SPTAN1: variants seen among roughly 807,000 people sequenced by gnomAD.
SPTAN1 encodes the protein spectrin alpha, non-erythrocytic 1.
Under a neutral mutation model 331.3 loss-of-function variants are expected in SPTAN1, and 61 were observed. That is an observed-to-expected ratio of 0.18 (90% CI 0.15 to 0.23). The LOEUF (loss-of-function observed/expected upper bound fraction) is 0.23, where lower values mean the gene tolerates loss of function less well. SPTAN1 is among the 10% of genes least tolerant of loss of function. SPTAN1 has a pLI of 1.00. For synonymous variants in SPTAN1, 1,153 were observed against 1,173.9 expected (o/e 0.98, Z 0.36); for missense variants, 2,043 against 3,147.9 (o/e 0.65, Z 8.40).
chr9:128,599,103 T>G, intron 26 of SPTAN1, 117 bp downstream of exon 26: 2 of 997,766 alleles, frequency 2.0e-6, no homozygotes, highest in Non-Finnish European at 3.2e-6. Context: ...CAGATGCCTT[T>G]TGTGTGTAAA....
At chr9:128,617,907 T>C in intron 42 of SPTAN1, 80 bp from the exon 43 acceptor site, 1 of 1,613,420 alleles carries the variant, frequency 6.2e-7, no homozygotes, top group Non-Finnish European at 8.5e-7. Context: ...AACTTGATGT[T>C]GAGGCCTTTT....
chr9:128,561,322 A>G (rs1032617178), intron 1 of SPTAN1, among the ~76,000 whole-genome samples: 3 of 147,398 alleles, frequency 2.0e-5, no homozygotes, highest in African/African-American at 5.0e-5. Context: ...CAGTGAGTCA[A>G]GATCGCACCA....
At position 128,611,775 on chromosome 9, in the gene SPTAN1, G is replaced by A. The variant is rs763832522; in HGVS notation, c.4835G>A (p.Arg1612His). 8.1e-6 allele frequency: 13 copies of A among 1,614,054 alleles called. No individual in the cohort carries two copies. Among genetic ancestry groups the A allele is most frequent in the Admixed American group, 3.3e-5 (2 of 60,000 alleles). The change falls in exon 38 of 57, where the codon CGT becomes CAT. Residue 1612 changes from arginine (R) to histidine (H), a missense_variant. Arg to His is a conservative substitution (Grantham distance 29). This residue lies in a region of SPTAN1 where 323 missense variants were observed against 581.1 expected (regional missense o/e 0.56). Coordinates refer to ENST00000372739, the MANE Select transcript of SPTAN1 (RefSeq NM_001130438.3). The stretch of plus-strand genomic sequence containing the variant: ...CTGCATGCCAACGCTGACCGGATCC[G>A]TGGGGTTATCGACATGGGCAACTCC... Reference protein sequence around the residue: ...AELHANADRIRGVIDMGNSLI... With the variant: ...AELHANADRIHGVIDMGNSLI...
At chr9:128,566,424 C>T (rs1041864385) in intron 1 of SPTAN1, among the ~76,000 whole-genome samples, 38 of 152,158 alleles carry the variant, frequency 2.5e-4, no homozygotes, top group Non-Finnish European at 3.2e-4. Context: ...TCCTCTGAAT[C>T]CTTGAAGCCT....
chr9:128,565,898 C>T (rs529552362), intron 1 of SPTAN1, among the ~76,000 whole-genome samples: 2 of 152,218 alleles, frequency 1.3e-5, no homozygotes, highest in South Asian at 2.1e-4. Flanking sequence ...CTTGAGAGCA[C>T]GTCGTTTTTC....
At chr9:128,612,505 G>A (rs989773535) in intron 39 of SPTAN1, among the ~76,000 whole-genome samples, 2 of 152,198 alleles carry the variant, frequency 1.3e-5, no homozygotes, top group African/African-American at 4.8e-5. Context: ...GAGATTATGG[G>A]TAGTTATATG....
chr9:128,584,582 A>G, intron 17 of SPTAN1, 57 bp downstream of exon 17: 1 of 1,614,076 alleles, frequency 6.2e-7, no homozygotes, highest in Middle Eastern at 1.6e-4. Flanking sequence ...CTATTGTAGC[A>G]TAAAGGGGAT....
intron 29 of SPTAN1, 24 bp from the exon 30 acceptor site, chr9:128,605,010 A>C: frequency 6.2e-7 from 1 of 1,613,980 alleles, no homozygotes; most frequent in Non-Finnish European, 8.5e-7. Context: ...GGCATTTCTT[A>C]ACCTGAATGT....
Position 128,571,162 on chromosome 9 carries a change from C to T in SPTAN1, c.363+2265C>T, listed in dbSNP as rs577001164. ...AAAATTAGTGGGGCGTGGTGGTGCA[C>T]ACCTGTAGCCCCAGCTACTGGGGAG... On this transcript the variant is annotated intron_variant, in intron 3 of 56. Coordinates refer to ENST00000372739, the MANE Select transcript of SPTAN1 (RefSeq NM_001130438.3). Among the ~76,000 whole-genome samples, 81 of 152,072 alleles carry T rather than the reference C, an allele frequency of 5.3e-4. 2 individuals are homozygous for T. Among genetic ancestry groups the T allele is most frequent in the African/African-American group, 1.9e-3 (79 of 41,504 alleles).
chr9:128,605,255 AC>A (rs1286062161), intron 30 of SPTAN1, 40 bp from the exon 31 acceptor site: 7 of 1,613,718 alleles, frequency 4.3e-6, no homozygotes, highest in Non-Finnish European at 5.9e-6. Flanking sequence ...TGCAGAGCAT[AC>A]CCCCTTACTG....
At chr9:128,578,839 A>G (rs1319742539) in intron 9 of SPTAN1, among the ~76,000 whole-genome samples, 11 of 142,174 alleles carry the variant, frequency 7.7e-5, no homozygotes, top group Non-Finnish European at 1.6e-4. Context: ...CTCAAAGAAA[A>G]AAAAAAAAAA....
intron 24 of SPTAN1, among the ~76,000 whole-genome samples, chr9:128,597,621 C>G (rs911288073): frequency 5.3e-5 from 8 of 152,192 alleles, no homozygotes; most frequent in Middle Eastern, 3.4e-3. Flanking sequence ...TTGAACAGAT[C>G]CTTATAGCTT....
chr9:128,559,897 G>T (rs1849098331), intron 1 of SPTAN1, among the ~76,000 whole-genome samples: 1 of 151,480 alleles, frequency 6.6e-6, no homozygotes, highest in South Asian at 2.1e-4. Flanking sequence ...ACTATGCTTG[G>T]CTACTTTTTG....
chr9:128,562,299 C>T (rs1249749524), intron 1 of SPTAN1, among the ~76,000 whole-genome samples: 1 of 152,088 alleles, frequency 6.6e-6, no homozygotes, highest in Non-Finnish European at 1.5e-5. Flanking sequence ...GATGTGGTTT[C>T]ACCATGTTGG....
At chr9:128,605,607 G>T (rs1296279119) in intron 31 of SPTAN1, 130 bp downstream of exon 31, 11 of 1,193,732 alleles carry the variant, frequency 9.2e-6, no homozygotes, top group Admixed American at 2.0e-5. Context: ...ACTTTGGGGG[G>T]CCAAGGCAAG....
At chr9:128,622,246 G>T (rs908523719) in intron 45 of SPTAN1, 2 of 148,838 alleles carry the variant, frequency 1.3e-5, no homozygotes, top group African/African-American at 4.9e-5. Flanking sequence ...CAAGCCAGGA[G>T]ATCACCAGTG....
Position 128,608,919 on chromosome 9 carries a change from G to C in SPTAN1, c.4537G>C (p.Ala1513Pro). Residue 1513 changes from alanine (A) to proline (P), a missense_variant, in exon 35 of 57, where the codon GCT (alanine) becomes CCT (proline). Coordinates refer to ENST00000372739, the MANE Select transcript of SPTAN1 (RefSeq NM_001130438.3). ...ALQAFADQLIAAGHYAKGDIS... is the reference protein window; with the variant it reads ...ALQAFADQLIPAGHYAKGDIS... ...GCAGGCCTTTGCCGACCAGCTCATC[G>C]CTGCCGGCCATTATGCCAAGGGAGA... 6.2e-7 allele frequency: 1 copy of C among 1,614,174 alleles called. No individual in the cohort carries two copies. The highest frequency in any genetic ancestry group is 8.5e-7 in the Non-Finnish European group (1 of 1,180,038).
chr9:128,599,470 CA>C, intron 26 of SPTAN1: 1 of 157,106 alleles, frequency 6.4e-6, no homozygotes, highest in African/African-American at 2.7e-5. Context: ...CTCCAAAAGA[CA>C]AAAAAAGTTG....
At position 128,627,372 on chromosome 9, in the gene SPTAN1, C is replaced by T. The variant is rs540922784; in HGVS notation, c.6577-14C>T. 3.2e-6 allele frequency: 5 copies of T among 1,549,620 alleles called. No homozygotes were observed. The highest frequency in any genetic ancestry group is 2.0e-5 in the Admixed American group (1 of 51,004). ...CACAGCAGCGCACAGCATCTGCCCC[C>T]CTTTGGCCCTCAGGAGAGGGAGCTG... On this transcript the variant is annotated splice_polypyrimidine_tract_variant and intron_variant, in intron 49 of 56. Coordinates refer to ENST00000372739, the MANE Select transcript of SPTAN1 (RefSeq NM_001130438.3). The surrounding 1 kb of genome is among the most constrained non-coding windows in gnomAD (Gnocchi z 4.9).
Sources: gnomAD v4.1 joint callset for allele counts (sites outside exome capture counted in the v4.1 genomes callset) on GRCh38, gnomAD v4.1.1 for gene constraint, gnomAD v4.1.1 regional missense constraint, Gnocchi (gnomAD v3.1) non-coding constraint, MANE v1.5 for transcripts, NCBI Gene and HGNC (gene_info 2026-07-23, HGNC 2026-07-21) for gene names.